FKBP6: variants seen among roughly 807,000 people sequenced by gnomAD.
FKBP6 encodes the protein inactive peptidyl-prolyl cis-trans isomerase FKBP6.
FKBP6 carries 29 observed loss-of-function variants against 41.7 expected under a neutral mutation model. The ratio of observed to expected loss-of-function variants is 0.70; its 90% CI spans 0.52 to 0.95. The LOEUF (loss-of-function observed/expected upper bound fraction) is 0.95. Ranked by LOEUF, FKBP6 falls within the 40% of genes least tolerant of loss-of-function variation. FKBP6 has a pLI of 0.00. For synonymous variants in FKBP6, 130 were observed against 165.1 expected (o/e 0.79, Z 1.63); for missense variants, 338 against 408.7 (o/e 0.83, Z 1.49).
At chr7:73,343,040 AC>A (rs1805237977) in intron 8 of FKBP6, 141 bp downstream of exon 8, 1 of 718,946 alleles carries the variant, frequency 1.4e-6, no homozygotes, top group East Asian at 2.6e-5. Context: ...GAACAACACA[AC>A]GGTAGTGCAG....
intron 6 of FKBP6, 85 bp downstream of exon 6, chr7:73,340,917 CTTTTTTTT>C (rs368227645): frequency 9.1e-5 from 44 of 482,986 alleles, no homozygotes; most frequent in Non-Finnish European, 1.3e-4. Context: ...AAAATGCTGT[CTTTTTTTT>C]TTTTTTTTTT....
At chr7:73,330,657 A>G (rs1165506371) in intron 4 of FKBP6, among the ~76,000 whole-genome samples, 5 of 152,152 alleles carry the variant, frequency 3.3e-5, no homozygotes, top group Admixed American at 3.3e-4. Context: ...CTTGCTTTTC[A>G]TCGTTTGGTT....
chr7:73,346,210 C>T (rs1221033663), intron 8 of FKBP6, among the ~76,000 whole-genome samples: 1 of 152,150 alleles, frequency 6.6e-6, no homozygotes, highest in Non-Finnish European at 1.5e-5. Flanking sequence ...GAAAGTGTTC[C>T]GAATGGGGGA....
intron 8 of FKBP6, among the ~76,000 whole-genome samples, chr7:73,353,443 G>A (rs1382684094): frequency 1.3e-5 from 2 of 152,108 alleles, no homozygotes; most frequent in East Asian, 1.9e-4. Flanking sequence ...CAGCATTCTC[G>A]GCTTAATCCT....
chr7:73,341,243 T>A (rs782473002), intron 6 of FKBP6, 30 bp from the exon 7 acceptor site: 10 of 1,441,524 alleles, frequency 6.9e-6, no homozygotes, highest in Non-Finnish European at 9.8e-6. Flanking sequence ...CTTTTCTAAC[T>A]GTGCTTTTAA....
At chr7:73,352,320 G>A (rs999751338) in intron 8 of FKBP6, among the ~76,000 whole-genome samples, 10 of 152,208 alleles carry the variant, frequency 6.6e-5, no homozygotes, top group Non-Finnish European at 4.4e-5. Flanking sequence ...CATGAAGACC[G>A]TCAGATATCG....
Position 73,340,600 on chromosome 7 carries a change from T to C in FKBP6, c.589-38T>C, listed in dbSNP as rs767161243. ...TTCTTTAGGGTTTTGTACATAAGAC[T>C]GTTACTCCTCTTGACCATCTGCCTT... is the stretch of plus-strand genomic sequence containing the variant. On this transcript the variant is annotated intron_variant, in intron 5 of 8. Transcript: ENST00000252037. 53 of 1,557,212 alleles carry C rather than the reference T, an allele frequency of 3.4e-5. No homozygotes were observed. In the Middle Eastern group the frequency reaches 6.5e-4, roughly 19 times the overall value.
In FKBP6 at chr7:73,341,664, CT is replaced by C. The variant is rs5884907; in HGVS notation, c.893+299del. Among the ~76,000 whole-genome samples the C allele has an allele frequency of 2.8e-3, 382 of 134,226 alleles. 1 individual carries two copies. Among genetic ancestry groups the C allele is most frequent in the Middle Eastern group, 0.011 (3 of 266 alleles). The allele number at this position is 134,226 out of a possible 152,430, so 88.1% of individuals were successfully genotyped here. On this transcript the variant is annotated intron_variant, in intron 7 of 8. Transcript: ENST00000252037. ...CCCCTAGAGAGGTGGGAGGGTGTCA[CT>C]TTTTTTTTTTTTTTTTGAGATGGAG...
chr7:73,349,360 A>G, intron 8 of FKBP6, among the ~76,000 whole-genome samples: 1 of 149,506 alleles, frequency 6.7e-6, no homozygotes, highest in African/African-American at 2.5e-5. Flanking sequence ...GGTAAGCTGC[A>G]CACCACTGCG....
chr7:73,344,415 T>C (rs906832747), intron 8 of FKBP6, among the ~76,000 whole-genome samples: 2 of 152,204 alleles, frequency 1.3e-5, no homozygotes, highest in African/African-American at 4.8e-5. Context: ...ACTGTATTTG[T>C]GTTCTAAAGT....
chr7:73,337,445 G>A (rs1428700674), intron 5 of FKBP6, among the ~76,000 whole-genome samples: 1 of 151,154 alleles, frequency 6.6e-6, no homozygotes, highest in East Asian at 1.9e-4. Context: ...CTCCCAAGTA[G>A]CTGAGATTAC....
chr7:73,331,739 A>G lies in FKBP6; in HGVS notation c.551A>G (p.Gln184Arg), dbSNP rs782101184. Residue 184 changes from glutamine to arginine, a missense_variant, in exon 5 of 9, where the codon CAG becomes CGG. Physicochemically the swap from Gln to Arg is conservative, Grantham distance 43. This residue lies in a region of FKBP6 where 239 missense variants were observed against 250.1 expected (regional missense o/e 0.96). Coordinates refer to ENST00000252037, the MANE Select transcript of FKBP6 (RefSeq NM_003602.5). ...EREFGNYLFR[Q>R]NRFYDAKVRY... ...GAGTTTGGCAACTACCTTTTCCGCCAGAATCGTTTCTATGATGCCAAAGTG... is the reference window on the plus strand; with the variant it reads ...GAGTTTGGCAACTACCTTTTCCGCCGGAATCGTTTCTATGATGCCAAAGTG... The G allele has an allele frequency of 6.2e-7, 1 of 1,613,628 alleles. No homozygotes were observed. Among genetic ancestry groups the G allele is most frequent in the African/African-American group, 1.3e-5 (1 of 75,044 alleles).
chr7:73,345,202 C>T (rs1262448762), intron 8 of FKBP6, among the ~76,000 whole-genome samples: 1 of 146,820 alleles, frequency 6.8e-6, no homozygotes, highest in African/African-American at 2.5e-5. Context: ...GGGACAGAAA[C>T]CTATCTTTAG....
intron 8 of FKBP6, among the ~76,000 whole-genome samples, chr7:73,350,802 G>A (rs1805468400): frequency 6.6e-6 from 1 of 152,034 alleles, no homozygotes; most frequent in Non-Finnish European, 1.5e-5. Flanking sequence ...TGCCAATGCC[G>A]AGGCCACAGG....
chr7:73,348,461 A>G (rs868971278), intron 8 of FKBP6, among the ~76,000 whole-genome samples: 1 of 152,050 alleles, frequency 6.6e-6, no homozygotes, highest in Admixed American at 6.5e-5. Context: ...ATTTCCTTCT[A>G]TACTCTCCTT....
intron 8 of FKBP6, among the ~76,000 whole-genome samples, chr7:73,355,422 G>C (rs982389211): frequency 2.6e-5 from 4 of 152,142 alleles, no homozygotes; most frequent in Admixed American, 2.0e-4. Flanking sequence ...CTTTTTATTG[G>C]CTCCGATTTG....
At chr7:73,336,928 G>A (rs1162652592) in intron 5 of FKBP6, 2 of 337,274 alleles carry the variant, frequency 5.9e-6, no homozygotes, top group East Asian at 8.7e-5. Flanking sequence ...AAGAGATCAA[G>A]GAAACAGAAG....
intron 8 of FKBP6, among the ~76,000 whole-genome samples, chr7:73,344,126 TC>T (rs1805272945): frequency 1.3e-5 from 2 of 152,212 alleles, no homozygotes; most frequent in African/African-American, 4.8e-5. Context: ...CCAGAGGACT[TC>T]CCTTGTTTGG....
intron 8 of FKBP6, among the ~76,000 whole-genome samples, chr7:73,355,050 C>T (rs986605600): frequency 1.3e-5 from 2 of 152,242 alleles, no homozygotes; most frequent in African/African-American, 2.4e-5. Context: ...ACATTTCACA[C>T]CCTTCTTTGA....
Sources: allele counts gnomAD v4.1 joint callset (sites outside exome capture counted in the v4.1 genomes callset), GRCh38; gene constraint gnomAD v4.1.1; regional missense constraint gnomAD v4.1.1; transcripts MANE v1.5; gene names NCBI Gene and HGNC (gene_info 2026-07-23, HGNC 2026-07-21).